Variants in STK39 observed in about 807,000 individuals in gnomAD.
The protein encoded by STK39 is serine/threonine kinase 39, also known as STE20/SPS1-related proline-alanine-rich protein kinase.
A neutral mutation model predicts 77.8 loss-of-function variants in STK39; 20 were observed. That is an observed-to-expected ratio of 0.26 (90% CI 0.18 to 0.37). STK39 has a LOEUF of 0.37. STK39 is among the 10% of genes least tolerant of loss of function. STK39 has a pLI of 1.00. For synonymous variants in STK39, 246 were observed against 234.1 expected (o/e 1.05, Z -0.47); for missense variants, 479 against 656.5 (o/e 0.73, Z 2.95).
intron 16 of STK39, among the ~76,000 whole-genome samples, chr2:167,995,359 C>T (rs1287344265): frequency 2.0e-5 from 3 of 152,256 alleles, no homozygotes; most frequent in South Asian, 2.1e-4. Flanking sequence ...GCACCTGCCT[C>T]GGCCTCCCAA....
chr2:167,997,137 T>C (rs1036372513), intron 16 of STK39, among the ~76,000 whole-genome samples: 4 of 151,102 alleles, frequency 2.6e-5, no homozygotes, highest in African/African-American at 9.8e-5. Context: ...GCCAGAGAAG[T>C]AATAGGAGAA....
At chr2:168,049,102 T>G (rs1407953354) in intron 14 of STK39, among the ~76,000 whole-genome samples, 1 of 152,150 alleles carries the variant, frequency 6.6e-6, no homozygotes, top group Non-Finnish European at 1.5e-5. Context: ...TGTCAGTTGA[T>G]GTAACAGTCA....
chr2:168,174,832 TA>T lies in STK39; in HGVS notation c.321+7145del, dbSNP rs397869438. 1.0e-2 allele frequency among the ~76,000 whole-genome samples: 1,126 copies of T among 112,656 alleles called. 6 individuals carry two copies. Among genetic ancestry groups the T allele is most frequent in the African/African-American group, 0.026 (796 of 31,078 alleles). 73.9% of individuals were successfully genotyped at this position (112,656 alleles called of 152,430 possible). A position where few individuals can be genotyped will look rare whatever the true frequency, so the allele number is the denominator to read the frequency against. The stretch of plus-strand genomic sequence containing the variant: ...GGCAACATAGCAAGACTTCATCTCT[TA>T]AAAAAAAAAAAAAAAAAAACACCCA... On this transcript the variant is annotated intron_variant, in intron 2 of 17. Transcript: ENST00000355999.
chr2:168,145,304 A>G (rs564777097), intron 5 of STK39, among the ~76,000 whole-genome samples: 1 of 152,280 alleles, frequency 6.6e-6, no homozygotes, highest in East Asian at 1.9e-4. Context: ...GGTCCTGAAA[A>G]ACAACAGCTA....
Position 168,138,181 on chromosome 2 carries a change from T to G in STK39, c.881A>C (p.Glu294Ala). ...LTLQNDPPTLETGVEDKEMMK... is the reference protein window; with the variant it reads ...LTLQNDPPTLATGVEDKEMMK... ...CATTTCTTTATCCTCTACCCCTGTT[T>G]CCAAAGTGGGTGGATCATTTTGCAA... The change falls in exon 8 of 18, where the codon GAA becomes GCA. Residue 294 changes from glutamate to alanine, a missense_variant. Glu to Ala is a moderately radical substitution (Grantham distance 107). Coordinates refer to ENST00000355999, the MANE Select transcript of STK39 (RefSeq NM_013233.3). 1 of 1,613,858 alleles carries G rather than the reference T, an allele frequency of 6.2e-7. No homozygotes were observed. The highest frequency in any genetic ancestry group is 8.5e-7 in the Non-Finnish European group (1 of 1,179,902).
At chr2:168,107,670 A>G (rs1264576826) in intron 10 of STK39, among the ~76,000 whole-genome samples, 1 of 152,226 alleles carries the variant, frequency 6.6e-6, no homozygotes, top group Non-Finnish European at 1.5e-5. Flanking sequence ...TCTGCTTCAC[A>G]GGTACACTGA....
chr2:168,049,104 T>C (rs540594598), intron 14 of STK39, among the ~76,000 whole-genome samples: 1 of 152,296 alleles, frequency 6.6e-6, no homozygotes, highest in South Asian at 2.1e-4. Flanking sequence ...TCAGTTGATG[T>C]AACAGTCAAA....
At chr2:167,975,760 C>T (rs1001109320) in intron 16 of STK39, among the ~76,000 whole-genome samples, 5 of 152,290 alleles carry the variant, frequency 3.3e-5, no homozygotes, top group East Asian at 1.9e-4. Flanking sequence ...TTTGCAGTGC[C>T]ATCTGCTGGC....
At chr2:168,044,153 T>C (rs1056747856) in intron 14 of STK39, among the ~76,000 whole-genome samples, 2 of 152,168 alleles carry the variant, frequency 1.3e-5, no homozygotes, top group Non-Finnish European at 1.5e-5. Flanking sequence ...TAAATAACAA[T>C]AGCTGACTTT....
At chr2:168,034,126 T>C (rs1684894064) in intron 14 of STK39, among the ~76,000 whole-genome samples, 1 of 152,090 alleles carries the variant, frequency 6.6e-6, no homozygotes, top group South Asian at 2.1e-4. Flanking sequence ...GAACCCAACA[T>C]ACATAACAAG....
At chr2:168,204,514 A>C (rs1399812342) in intron 1 of STK39, among the ~76,000 whole-genome samples, 1 of 152,230 alleles carries the variant, frequency 6.6e-6, no homozygotes, top group African/African-American at 2.4e-5. Context: ...ACCTGGATCC[A>C]CAGGACATTT....
chr2:167,956,082 A>T (rs1691755282), intron 17 of STK39, among the ~76,000 whole-genome samples: 1 of 152,198 alleles, frequency 6.6e-6, no homozygotes, highest in Non-Finnish European at 1.5e-5. Context: ...TGGGCTCATT[A>T]GAGAGAACTG....
chr2:168,140,455 T>C (rs1687951660), intron 6 of STK39, 65 bp from the exon 7 acceptor site: 21 of 1,419,452 alleles, frequency 1.5e-5, no homozygotes, highest in Middle Eastern at 1.7e-4. Flanking sequence ...ATCAAGTCCA[T>C]GTCATGTCAG....
At chr2:168,174,716 G>A (rs1444184836) in intron 2 of STK39, among the ~76,000 whole-genome samples, 1 of 151,376 alleles carries the variant, frequency 6.6e-6, no homozygotes, top group African/African-American at 2.4e-5. Context: ...AGAAATAGAT[G>A]GCCGGCCTGG....
chr2:168,103,196 T>C (rs531120519), intron 10 of STK39, among the ~76,000 whole-genome samples: 1 of 152,346 alleles, frequency 6.6e-6, no homozygotes, highest in African/African-American at 2.4e-5. Context: ...TCATGTTTCA[T>C]GTGTATTTCG....
chr2:168,040,644 T>A (rs925492902), intron 14 of STK39, among the ~76,000 whole-genome samples: 2 of 152,328 alleles, frequency 1.3e-5, no homozygotes, highest in Admixed American at 1.3e-4. Flanking sequence ...AAGTGAAATA[T>A]AGACTTTAAT....
intron 5 of STK39, among the ~76,000 whole-genome samples, chr2:168,141,072 G>A (rs1423380850): frequency 6.6e-6 from 1 of 152,174 alleles, no homozygotes; most frequent in East Asian, 1.9e-4. Flanking sequence ...ACATGCCCGA[G>A]TATGTCCATA....
chr2:168,212,940 C>T (rs1689928439), intron 1 of STK39, among the ~76,000 whole-genome samples: 1 of 152,032 alleles, frequency 6.6e-6, no homozygotes, highest in East Asian at 1.9e-4. Context: ...GTATAGACTC[C>T]AGGATAGCCA....
chr2:168,243,911 C>A (rs1047751806), intron 1 of STK39, among the ~76,000 whole-genome samples: 7 of 152,142 alleles, frequency 4.6e-5, no homozygotes, highest in Admixed American at 4.6e-4. Context: ...GGGCTCAACT[C>A]ACCCCCAAAT....
Sources: allele counts gnomAD v4.1 joint callset (sites outside exome capture counted in the v4.1 genomes callset), GRCh38; gene constraint gnomAD v4.1.1; transcripts MANE v1.5; gene names NCBI Gene and HGNC (gene_info 2026-07-23, HGNC 2026-07-21).